The following CYP4F3 variants were observed in gnomAD, a reference collection of about 807,000 sequenced individuals.
CYP4F3 encodes cytochrome P450 4F3.
In CYP4F3, 50 loss-of-function variants were observed where a neutral mutation model predicts 54.8. The ratio of observed to expected loss-of-function variants is 0.91; its 90% CI spans 0.73 to 1.16. The LOEUF is 1.16. Ranked by LOEUF, CYP4F3 falls within the 50% of genes most tolerant of loss-of-function variation. The pLI, the probability that CYP4F3 is intolerant of heterozygous loss-of-function variation, is 0.00. For missense variants in CYP4F3, 715 were observed against 676.2 expected, an observed-to-expected ratio of 1.06 and a Z score of -0.64; for synonymous variants, 244 against 262.6, an observed-to-expected ratio of 0.93 and a Z score of 0.69.
At chr19:15,641,318 A>G in intron 1 of CYP4F3, 97 bp from the exon 2 acceptor site, 3 of 1,446,560 alleles carry the variant, frequency 2.1e-6, no homozygotes, top group Non-Finnish European at 2.8e-6. Context: ...TTCTATCTCC[A>G]GCACTGCCCG....
chr19:15,653,258 A>G (rs539692301), intron 9 of CYP4F3, among the ~76,000 whole-genome samples: 1 of 152,220 alleles, frequency 6.6e-6, no homozygotes, highest in South Asian at 2.1e-4. Context: ...TCCAAGAAAT[A>G]TTTTTTTGAA....
rs760662271 is a variant in CYP4F3 at position 15,641,562 on chromosome 19, G to T, written c.147G>T (p.Arg49=). 4 of 1,614,066 alleles carry T rather than the reference G, an allele frequency of 2.5e-6. No homozygotes were observed. The highest frequency in any genetic ancestry group is 2.5e-6 in the Non-Finnish European group (3 of 1,180,042). The change falls in exon 2 of 13, where the codon CGG becomes CGT. Residue 49 remains arginine, a synonymous_variant. Transcript: ENST00000221307. ...YTFYDNCCRL[R]CFPQPPKRNW... ...TCTATGACAACTGCTGCCGCCTCCG[G>T]TGTTTCCCGCAACCCCCGAAACGGA...
Position 15,652,836 on chromosome 19 carries a change from A to G in CYP4F3, c.999A>G (p.Thr333=), listed in dbSNP as rs775074714. Residue 333 remains threonine (T), a synonymous_variant, in exon 9 of 13, where the codon ACA becomes ACG. Transcript: ENST00000221307. The part of the protein sequence containing the change: ...DTFMFEGHDT[T]ASGLSWVLYH... ...GCTGCCCCCCAGGCCATGACACCAC[A>G]GCCAGTGGTCTCTCCTGGGTCCTGT... 40 of 1,612,434 alleles carry G rather than the reference A, an allele frequency of 2.5e-5. No homozygotes were observed. Among genetic ancestry groups the G allele is most frequent in the East Asian group, 1.3e-4 (6 of 44,880 alleles).
rs7255356 is a variant in CYP4F3 at position 15,660,998 on chromosome 19, C to T, written c.*1613C>T. The T allele has an allele frequency of 0.6, 90,756 of 151,712 alleles. 27,637 individuals carry two copies. Among genetic ancestry groups the T allele is most frequent in the East Asian group, 0.7 (3,611 of 5,132 alleles). 9.4% of individuals were successfully genotyped at this position (151,712 alleles called of 1,614,324 possible). A position where few individuals can be genotyped will look rare whatever the true frequency, so the allele number is the denominator to read the frequency against. On this transcript the variant is annotated 3_prime_UTR_variant, in exon 13 of 13. Transcript: ENST00000221307. Reference sequence around the variant, plus strand: ...TCCCAAAGTGCTGGGATTACAGGCCCGGTCCAGTTTGATAGTTTGTTATCA... The same window carrying T: ...TCCCAAAGTGCTGGGATTACAGGCCTGGTCCAGTTTGATAGTTTGTTATCA...
At chr19:15,651,453 C>T (rs1296297003) in intron 7 of CYP4F3, among the ~76,000 whole-genome samples, 10 of 137,582 alleles carry the variant, frequency 7.3e-5, no homozygotes, top group African/African-American at 1.0e-4. Flanking sequence ...CTGCAACCTC[C>T]GCCTCCTGGG....
intron 9 of CYP4F3, chr19:15,658,033 A>C: frequency 3.5e-6 from 3 of 854,906 alleles, no homozygotes; most frequent in Non-Finnish European, 4.2e-6. Context: ...CCAAATGTGA[A>C]GTTTTCTCTT....
At chr19:15,648,999 A>G (rs2283610) in intron 5 of CYP4F3, among the ~76,000 whole-genome samples, 161 bp from the exon 6 acceptor site, 19,764 of 152,168 alleles carry the variant, frequency 0.13, 1,413 homozygotes, top group Middle Eastern at 0.2. Flanking sequence ...TCTTAATAGT[A>G]ACAGCTTTTG....
chr19:15,646,512 G>A (rs1339629723), intron 3 of CYP4F3, among the ~76,000 whole-genome samples: 1 of 152,202 alleles, frequency 6.6e-6, no homozygotes, highest in African/African-American at 2.4e-5. Context: ...CCTGGAGCCT[G>A]TATGTGGAAC....
rs1404416359 is a variant in CYP4F3, at chr19:15,649,993, T to C, written c.728T>C (p.Ile243Thr). 3 of 1,614,174 alleles carry C rather than the reference T, an allele frequency of 1.9e-6. No individual in the cohort carries two copies. The East Asian group carries it at 6.7e-5, about 36-fold the overall frequency. Residue 243 changes from isoleucine (I) to threonine (T), a missense_variant, in exon 7 of 13, where the codon ATA becomes ACA. Transcript: ENST00000221307. ...TKRHQQILLY[I>T]DFLYYLTPDG... ...AGACACCAGCAGATCCTCCTGTACA[T>C]AGACTTCCTGTATTATCTCACCCCT...
In CYP4F3 at chr19:15,658,383, G is replaced by A. The variant is rs751225841; in HGVS notation, c.1235G>A (p.Arg412Gln). ...CTQDIVLPDG[R>Q]VIPKGIICLI... ...CAAGACATTGTGCTCCCAGACGGCC[G>A]GGTCATCCCCAAAGGTGCCACAGCC... Residue 412 changes from arginine to glutamine, a missense_variant, in exon 10 of 13, where the codon CGG (arginine) becomes CAG (glutamine). Coordinates refer to ENST00000221307, the MANE Select transcript of CYP4F3 (RefSeq NM_000896.3). 6.8e-6 allele frequency: 11 copies of A among 1,613,932 alleles called. No homozygotes were observed. The highest frequency in any genetic ancestry group is 6.7e-5 in the East Asian group (3 of 44,872).
chr19:15,646,276 C>T lies in CYP4F3; in HGVS notation c.343+413C>T, dbSNP rs572169709. Among the ~76,000 whole-genome samples the T allele has an allele frequency of 5.9e-5, 9 of 152,188 alleles. No individual in the cohort carries two copies. The South Asian group carries it at 1.5e-3, about 25-fold the overall frequency. On this transcript the variant is annotated intron_variant, in intron 3 of 12. Coordinates refer to ENST00000221307, the MANE Select transcript of CYP4F3 (RefSeq NM_000896.3). ...ATGTGAGGGGCTGTTTTGTTCTTGT[C>T]GCAGGTGCTGTTTGACACTGCCGTT...
In CYP4F3 at chr19:15,650,804, TC is replaced by T. The variant is rs1239946990; in HGVS notation, c.918+622del. On this transcript the variant is annotated intron_variant, in intron 7 of 12. Coordinates refer to ENST00000221307, the MANE Select transcript of CYP4F3 (RefSeq NM_000896.3). ...CTTTCTTTCTTTCTTTCTTTCTCTC[TC>T]TTCTCTTTCTTTCTTTCTTTCTTTC... Among the ~76,000 whole-genome samples the T allele has an allele frequency of 9.1e-3, 231 of 25,516 alleles. 28 individuals are homozygous for T. The highest frequency in any genetic ancestry group is 0.011 in the Non-Finnish European group (162 of 14,398). The allele number at this position is 25,516 out of a possible 152,430, so 16.7% of individuals were successfully genotyped here. A position where few individuals can be genotyped will look rare whatever the true frequency, so the allele number is the denominator to read the frequency against.
chr19:15,641,349 C>G, intron 1 of CYP4F3, 66 bp from the exon 2 acceptor site: 1 of 1,587,198 alleles, frequency 6.3e-7, no homozygotes, highest in Non-Finnish European at 8.6e-7. Context: ...TCTCCACTGT[C>G]CCTGGAGCTC....
intron 5 of CYP4F3, 34 bp downstream of exon 5, chr19:15,647,358 C>A: frequency 6.2e-7 from 1 of 1,613,204 alleles, no homozygotes; most frequent in Non-Finnish European, 8.5e-7. Flanking sequence ...CCAGCTGCAG[C>A]CTTTGGTTGG....
At chr19:15,655,877 G>A (rs1015326071) in intron 9 of CYP4F3, among the ~76,000 whole-genome samples, 1 of 152,188 alleles carries the variant, frequency 6.6e-6, no homozygotes, top group Admixed American at 6.5e-5. Context: ...ATTAAATCAA[G>A]GTAATGAACA....
At chr19:15,659,062 G>T (rs4646521) in intron 12 of CYP4F3, among the ~76,000 whole-genome samples, 158 bp from the exon 13 acceptor site, 68,680 of 151,262 alleles carry the variant, frequency 0.45, 16,865 homozygotes, top group East Asian at 0.65. Context: ...AGGCTCGCAG[G>T]ATATGCAAGC....
chr19:15,653,200 T>G (rs1283953316), intron 9 of CYP4F3, among the ~76,000 whole-genome samples: 1 of 152,152 alleles, frequency 6.6e-6, no homozygotes, highest in Non-Finnish European at 1.5e-5. Context: ...ATAACGCCAC[T>G]TAGCATGTGT....
chr19:15,650,832 T>TC (rs1599897426), intron 7 of CYP4F3, among the ~76,000 whole-genome samples: 2 of 54,754 alleles, frequency 3.7e-5, no homozygotes, highest in Non-Finnish European at 6.9e-5. Flanking sequence ...CTTTCTTTCT[T>TC]TCTTTCTTTC....
chr19:15,659,742 A>G lies in CYP4F3; in HGVS notation c.*357A>G, dbSNP rs34649289. The G allele has an allele frequency of 7.4e-5, 17 of 230,188 alleles. No homozygotes were observed. The highest frequency in any genetic ancestry group is 5.6e-4 in the South Asian group (6 of 10,654). 14.3% of individuals were successfully genotyped at this position (230,188 alleles called of 1,614,324 possible). On this transcript the variant is annotated 3_prime_UTR_variant, in exon 13 of 13. Transcript: ENST00000221307. ...GAATGCATGATACTGAATGAAAGACATCAGATGCAAAAGGTCACATAGTGT... is the reference window on the plus strand; with the variant it reads ...GAATGCATGATACTGAATGAAAGACGTCAGATGCAAAAGGTCACATAGTGT...
Sources: allele counts gnomAD v4.1 joint callset (sites outside exome capture counted in the v4.1 genomes callset), GRCh38; gene constraint gnomAD v4.1.1; transcripts MANE v1.5; gene names NCBI Gene and HGNC (gene_info 2026-07-23, HGNC 2026-07-21).